Variants in TBC1D14 observed in about 807,000 individuals in gnomAD.
TBC1D14 encodes TBC1 domain family, member 14.
Under a neutral mutation model 79.0 loss-of-function variants are expected in TBC1D14, and 26 were observed. That is an observed-to-expected ratio of 0.33 (90% CI 0.24 to 0.46). The LOEUF (loss-of-function observed/expected upper bound fraction) is 0.46. Among genes scored for constraint, TBC1D14 ranks in the 20% least tolerant of loss-of-function variants. The pLI is 1.00. For synonymous variants in TBC1D14, 394 were observed against 349.9 expected (o/e 1.13, Z -1.40); for missense variants, 769 against 887.6 (o/e 0.87, Z 1.70).
chr4:6,937,849 GT>G (rs1712492898), intron 2 of TBC1D14, among the ~76,000 whole-genome samples: 1 of 152,126 alleles, frequency 6.6e-6, no homozygotes, highest in African/African-American at 2.4e-5. Flanking sequence ...GTAGTGGGGG[GT>G]CGTCACCGTG....
At chr4:6,943,269 G>T (rs1418409259) in intron 2 of TBC1D14, among the ~76,000 whole-genome samples, 2 of 152,206 alleles carry the variant, frequency 1.3e-5, no homozygotes, top group African/African-American at 4.8e-5. Context: ...CTGCGCCCAG[G>T]ACAACGAGGA....
At chr4:6,988,446 G>T (rs546837544) in intron 3 of TBC1D14, among the ~76,000 whole-genome samples, 49 of 152,348 alleles carry the variant, frequency 3.2e-4, no homozygotes, top group Non-Finnish European at 6.0e-4. Context: ...TGCTGGTGGT[G>T]CTGGCTCAGA....
intron 2 of TBC1D14, among the ~76,000 whole-genome samples, chr4:6,937,126 AGGCT>A (rs1259024428): frequency 6.6e-6 from 1 of 152,170 alleles, no homozygotes; most frequent in Non-Finnish European, 1.5e-5. Flanking sequence ...TGTATTGGTC[AGGCT>A]GGTCTGGAAC....
chr4:7,029,359 A>G lies in TBC1D14; in HGVS notation c.2017-968A>G, dbSNP rs116176045. On this transcript the variant is annotated intron_variant, in intron 13 of 13. Coordinates refer to ENST00000409757, the MANE Select transcript of TBC1D14 (RefSeq NM_020773.3). ...CTCTTGGTTTCACCCTTGGACTTTG[A>G]GCACGTCACTTCCGTACATGTCTGT... Among the ~76,000 whole-genome samples, 684 of 152,330 alleles carry G rather than the reference A, an allele frequency of 4.5e-3. 9 individuals are homozygous for G. The highest frequency in any genetic ancestry group is 0.016 in the African/African-American group (661 of 41,574).
intron 2 of TBC1D14, among the ~76,000 whole-genome samples, chr4:6,947,892 C>T (rs985351654): frequency 6.6e-6 from 1 of 152,146 alleles, no homozygotes; most frequent in Non-Finnish European, 1.5e-5. Context: ...TTCTATCTGG[C>T]AGGTTTTATG....
At chr4:6,928,701 TC>T (rs1230660807) in intron 2 of TBC1D14, among the ~76,000 whole-genome samples, 1 of 152,174 alleles carries the variant, frequency 6.6e-6, no homozygotes, top group African/African-American at 2.4e-5. Context: ...GGTTTCTGTA[TC>T]CTGCACTGAA....
chr4:6,931,972 G>A (rs1193357662), intron 2 of TBC1D14, among the ~76,000 whole-genome samples: 4 of 151,942 alleles, frequency 2.6e-5, no homozygotes, highest in Non-Finnish European at 5.9e-5. Context: ...AGCAAGCAGA[G>A]GTGGTACGAG....
intron 1 of TBC1D14, among the ~76,000 whole-genome samples, chr4:6,913,854 C>T (rs537731929): frequency 1.3e-4 from 20 of 152,176 alleles, no homozygotes; most frequent in South Asian, 2.1e-4. Context: ...CCTGGCCAGG[C>T]GCTGTGGCTC....
chr4:6,982,270 G>A (rs1179785393), intron 3 of TBC1D14, among the ~76,000 whole-genome samples: 3 of 152,170 alleles, frequency 2.0e-5, no homozygotes, highest in African/African-American at 2.4e-5. Flanking sequence ...TCCATACAAC[G>A]AAATATGACT....
chr4:7,019,660 C>T (rs1300578388), intron 12 of TBC1D14, among the ~76,000 whole-genome samples: 1 of 152,222 alleles, frequency 6.6e-6, no homozygotes, highest in African/African-American at 2.4e-5. Context: ...GTCTGTTGGC[C>T]CCTGCCAAGT....
chr4:6,976,561 C>A (rs1560299067), intron 3 of TBC1D14, among the ~76,000 whole-genome samples: 1 of 152,192 alleles, frequency 6.6e-6, no homozygotes, highest in Non-Finnish European at 1.5e-5. Flanking sequence ...AATTCTGTAT[C>A]CAGCAAAAAT....
At chr4:6,959,651 A>G (rs1242077087) in intron 2 of TBC1D14, among the ~76,000 whole-genome samples, 1 of 152,208 alleles carries the variant, frequency 6.6e-6, no homozygotes, top group Non-Finnish European at 1.5e-5. Flanking sequence ...CTCAGGATCC[A>G]TTTTTGAGGC....
chr4:7,015,227 G>A (rs898569180), intron 12 of TBC1D14, among the ~76,000 whole-genome samples: 2 of 152,028 alleles, frequency 1.3e-5, no homozygotes, highest in Admixed American at 6.5e-5. Flanking sequence ...ATCCAGCGGC[G>A]AGTTTTAAGT....
At chr4:7,013,660 G>C (rs753351312) in intron 11 of TBC1D14, among the ~76,000 whole-genome samples, 1 of 152,164 alleles carries the variant, frequency 6.6e-6, no homozygotes, top group Non-Finnish European at 1.5e-5. Context: ...AGCTGGAGGG[G>C]TGCTGCCGTT....
rs1185717140 is a variant in TBC1D14 at position 7,032,059 on chromosome 4, G to C, written c.*1667G>C. 2.0e-5 allele frequency: 3 copies of C among 152,508 alleles called. No homozygotes were observed. Among genetic ancestry groups the C allele is most frequent in the Non-Finnish European group, 4.4e-5 (3 of 68,094 alleles). The allele number at this position is 152,508 out of a possible 1,614,324, so 9.4% of individuals were successfully genotyped here. A position where few individuals can be genotyped will look rare whatever the true frequency, so the allele number is the denominator to read the frequency against. ...CGGACTCTGCCCCTACATCTCAGCT[G>C]AATCTCCAGGGAGGCTGCAGAGCAT... On this transcript the variant is annotated 3_prime_UTR_variant, in exon 14 of 14. Coordinates refer to ENST00000409757, the MANE Select transcript of TBC1D14 (RefSeq NM_020773.3).
rs548200672 is a variant in TBC1D14, at chr4:7,027,756, A to G, written c.2016+2494A>G. Among the ~76,000 whole-genome samples the G allele has an allele frequency of 1.0e-4, 12 of 117,002 alleles. No individual in the cohort carries two copies. In the East Asian group the frequency reaches 1.2e-3, roughly 12 times the overall value. The allele number at this position is 117,002 out of a possible 152,430, so 76.8% of individuals were successfully genotyped here. A position where few individuals can be genotyped will look rare whatever the true frequency, so the allele number is the denominator to read the frequency against. The stretch of plus-strand genomic sequence containing the variant: ...CACACATCACACACCCACATACACA[A>G]TCACCCCACACACATCACACATCCA... On this transcript the variant is annotated intron_variant, in intron 13 of 13. Transcript: ENST00000409757.
chr4:6,962,360 G>A (rs1715302153), intron 2 of TBC1D14, among the ~76,000 whole-genome samples: 1 of 152,116 alleles, frequency 6.6e-6, no homozygotes, highest in Non-Finnish European at 1.5e-5. Flanking sequence ...TGGAGGCAGG[G>A]CACCTACAGA....
At chr4:6,980,428 G>GA (rs1717258962) in intron 3 of TBC1D14, among the ~76,000 whole-genome samples, 1 of 151,704 alleles carries the variant, frequency 6.6e-6, no homozygotes, top group Admixed American at 6.6e-5. Flanking sequence ...ACATAGAAAA[G>GA]AAAAAAGGTC....
chr4:7,027,368 ACATC>A (rs1722488700), intron 13 of TBC1D14, among the ~76,000 whole-genome samples: 1 of 133,596 alleles, frequency 7.5e-6, no homozygotes, highest in African/African-American at 2.9e-5. Flanking sequence ...CACACATTGC[ACATC>A]CATTCACCCC....
Sources: allele counts gnomAD v4.1 joint callset (sites outside exome capture counted in the v4.1 genomes callset), GRCh38; gene constraint gnomAD v4.1.1; transcripts MANE v1.5; gene names NCBI Gene and HGNC (gene_info 2026-07-23, HGNC 2026-07-21).